GCN1: variants seen among roughly 807,000 people sequenced by gnomAD.
The protein encoded by GCN1 is stalled ribosome sensor GCN1.
A neutral mutation model predicts 288.4 loss-of-function variants in GCN1; 90 were observed. The observed-to-expected ratio is 0.31, with a 90% CI of 0.26 to 0.37. GCN1 has a LOEUF of 0.37. Ranked by LOEUF, GCN1 falls within the 10% of genes least tolerant of loss-of-function variation. The probability of loss-of-function intolerance (pLI) is 1.00; values close to 1 mark genes in which losing one functional copy is unlikely to be tolerated. For missense variants in GCN1, 2,586 were observed against 3,419.9 expected (o/e 0.76, Z 6.08); for synonymous variants, 1,386 against 1,420.2 (o/e 0.98, Z 0.54).
chr12:120,164,553 C>A (rs908203568), intron 17 of GCN1, 58 bp from the exon 18 acceptor site: 29 of 1,600,356 alleles, frequency 1.8e-5, no homozygotes, highest in Non-Finnish European at 2.4e-5. Flanking sequence ...CTTTCCACAG[C>A]CAACCCTTCC....
chr12:120,174,696 C>A (rs1878421064), intron 12 of GCN1, among the ~76,000 whole-genome samples: 1 of 147,546 alleles, frequency 6.8e-6, no homozygotes, highest in Admixed American at 7.1e-5. Flanking sequence ...GAGGCTGAGG[C>A]AGGAGGATTG....
chr12:120,131,820 T>A, intron 54 of GCN1, 106 bp downstream of exon 54: 1 of 737,374 alleles, frequency 1.4e-6, no homozygotes, highest in Non-Finnish European at 2.4e-6. Context: ...GAAAGGACAG[T>A]CCAGTTGCTA....
intron 11 of GCN1, 132 bp from the exon 12 acceptor site, chr12:120,175,344 G>T (rs1305524327): frequency 7.2e-6 from 6 of 836,732 alleles, no homozygotes; most frequent in Non-Finnish European, 1.2e-5. Flanking sequence ...TGTGAAGCTG[G>T]GTTTAAAGCA....
chr12:120,137,093 C>A lies in GCN1; in HGVS notation c.6777+113G>T. 2 of 765,182 alleles carry A rather than the reference C, an allele frequency of 2.6e-6. No homozygotes were observed. Among genetic ancestry groups the A allele is most frequent in the East Asian group, 2.5e-5 (1 of 40,796 alleles). 47.4% of individuals were successfully genotyped at this position (765,182 alleles called of 1,614,324 possible). ...TGTCTGCGAAGGTGCTGAACACCAA[C>A]CACCACGGCTACTGCTCCAGCAGCC... On this transcript the variant is annotated intron_variant, in intron 50 of 57. Coordinates refer to ENST00000300648, the MANE Select transcript of GCN1 (RefSeq NM_006836.2). The surrounding 1 kb of genome is among the most constrained non-coding windows in gnomAD (Gnocchi z 5.2).
rs1476355488 is a variant in GCN1, at chr12:120,162,201, C to T, written c.2164-143G>A. The T allele has an allele frequency of 1.2e-5, 8 of 662,876 alleles. No individual in the cohort carries two copies. The Admixed American group carries it at 1.4e-4, about 11-fold the overall frequency. 41.1% of individuals were successfully genotyped at this position (662,876 alleles called of 1,614,324 possible). A position where few individuals can be genotyped will look rare whatever the true frequency, so the allele number is the denominator to read the frequency against. ...CCTGGGCAATGCCCATCACAGTGGCCGGCTGGAGTCTGCGTCTGCTTTCCT... is the reference window on the plus strand; with the variant it reads ...CCTGGGCAATGCCCATCACAGTGGCTGGCTGGAGTCTGCGTCTGCTTTCCT... On this transcript the variant is annotated intron_variant, in intron 20 of 57. Coordinates refer to ENST00000300648, the MANE Select transcript of GCN1 (RefSeq NM_006836.2).
chr12:120,174,228 TC>T lies in GCN1; in HGVS notation c.1094-60del, dbSNP rs1594283726. On this transcript the variant is annotated intron_variant, in intron 12 of 57. Transcript: ENST00000300648. ...AGCACAGAACCACAGAGGCAAGTCT[TC>T]CCACTGCTGCCACCTCCGCACTCTG... is the stretch of plus-strand genomic sequence containing the variant. 6 of 969,778 alleles carry T rather than the reference TC, an allele frequency of 6.2e-6. No homozygotes were observed. In the East Asian group the frequency reaches 1.2e-4, roughly 19 times the overall value. The allele number at this position is 969,778 out of a possible 1,614,324, so 60.1% of individuals were successfully genotyped here. A position where few individuals can be genotyped will look rare whatever the true frequency, so the allele number is the denominator to read the frequency against.
intron 14 of GCN1, 102 bp from the exon 15 acceptor site, chr12:120,170,423 C>A: frequency 9.9e-7 from 1 of 1,007,934 alleles, no homozygotes; most frequent in Non-Finnish European, 1.5e-6. Context: ...ACGACTAAAA[C>A]CCTTCAGTTA....
intron 53 of GCN1, among the ~76,000 whole-genome samples, chr12:120,132,656 C>T (rs913266156): frequency 5.3e-5 from 8 of 152,230 alleles, no homozygotes; most frequent in South Asian, 2.1e-4. Flanking sequence ...GAGCCAGGTA[C>T]GCGAGCGGCT....
chr12:120,143,568 C>A (rs892278223), intron 42 of GCN1, among the ~76,000 whole-genome samples: 1 of 144,114 alleles, frequency 6.9e-6, no homozygotes, highest in Non-Finnish European at 1.5e-5. Context: ...GGTGACAGAG[C>A]GAGACTCCGT....
chr12:120,153,345 G>T lies in GCN1; in HGVS notation c.3930C>A (p.Ala1310=), dbSNP rs200208907. 71 of 1,614,170 alleles carry T rather than the reference G, an allele frequency of 4.4e-5. No homozygotes were observed. The East Asian group carries it at 6.0e-4, about 14-fold the overall frequency. ...CACTCTGTCGCACAGCATCATAGCT[G>T]GCATCATTGGGCGCGTTCTTCAGGA... is the stretch of plus-strand genomic sequence containing the variant. The part of the protein sequence containing the change: ...EEFLKNAPND[A]SYDAVRQSVV... Residue 1310 remains alanine (A), a synonymous_variant, in exon 33 of 58, where the codon GCC becomes GCA. Coordinates refer to ENST00000300648, the MANE Select transcript of GCN1 (RefSeq NM_006836.2). The surrounding 1 kb of genome is among the most constrained non-coding windows in gnomAD (Gnocchi z 4.4).
intron 2 of GCN1, among the ~76,000 whole-genome samples, chr12:120,185,880 T>C (rs1262346897): frequency 1.3e-5 from 2 of 152,066 alleles, no homozygotes; most frequent in South Asian, 4.1e-4. Context: ...ATTACAGGCG[T>C]GAGCCATCGC....
At chr12:120,147,338 C>T in intron 37 of GCN1, 66 bp from the exon 38 acceptor site, 1 of 849,294 alleles carries the variant, frequency 1.2e-6, no homozygotes. Context: ...CCCTGGGCCC[C>T]CAGAACTAGA....
chr12:120,193,277 T>G (rs966900798), intron 1 of GCN1, among the ~76,000 whole-genome samples: 2 of 152,158 alleles, frequency 1.3e-5, no homozygotes, highest in African/African-American at 4.8e-5. Context: ...AACTGTGCAC[T>G]GAAATGTGGC....
intron 18 of GCN1, among the ~76,000 whole-genome samples, chr12:120,163,909 G>A (rs1878016070): frequency 6.6e-6 from 1 of 152,142 alleles, no homozygotes; most frequent in Non-Finnish European, 1.5e-5. Flanking sequence ...GATCACTTCA[G>A]CCTAGAAGTT....
At chr12:120,170,082 G>T in intron 15 of GCN1, 87 bp downstream of exon 15, 1 of 1,220,554 alleles carries the variant, frequency 8.2e-7, no homozygotes, top group Non-Finnish European at 1.2e-6. Context: ...TCAGGACCAA[G>T]CTAATCCTGA....
chr12:120,131,472 G>A (rs117344406), intron 54 of GCN1, 139 bp from the exon 55 acceptor site: 2 of 756,102 alleles, frequency 2.6e-6, no homozygotes, highest in African/African-American at 1.7e-5. Flanking sequence ...CATTCACATG[G>A]ACCTCCCTGC....
chr12:120,179,745 T>A (rs1440201082), intron 5 of GCN1, among the ~76,000 whole-genome samples: 1 of 151,160 alleles, frequency 6.6e-6, no homozygotes, highest in Non-Finnish European at 1.5e-5. Flanking sequence ...AAAAGAGATA[T>A]TAAACAAATA....
chr12:120,161,745 G>T, intron 21 of GCN1, 135 bp downstream of exon 21: 2 of 968,034 alleles, frequency 2.1e-6, no homozygotes, highest in Non-Finnish European at 3.2e-6. Flanking sequence ...ACCGTGCCGG[G>T]GACACAACAG....
intron 13 of GCN1, 43 bp downstream of exon 13, chr12:120,174,028 G>T: frequency 8.0e-7 from 1 of 1,244,470 alleles, no homozygotes; most frequent in Non-Finnish European, 1.2e-6. Flanking sequence ...CCACGGTCAA[G>T]GATGAGTACA....
Sources: allele counts gnomAD v4.1 joint callset (sites outside exome capture counted in the v4.1 genomes callset), GRCh38; gene constraint gnomAD v4.1.1; non-coding constraint Gnocchi (gnomAD v3.1); transcripts MANE v1.5; gene names NCBI Gene and HGNC (gene_info 2026-07-23, HGNC 2026-07-21).